SUGCT: variants seen among roughly 807,000 people sequenced by gnomAD.
The protein encoded by SUGCT is succinyl-CoA:glutarate CoA-transferase.
Under a neutral mutation model 55.0 loss-of-function variants are expected in SUGCT, and 41 were observed. That is an observed-to-expected ratio of 0.74 (90% confidence interval 0.58 to 0.97). The LOEUF is 0.97. Among genes scored for constraint, SUGCT ranks in the 50% least tolerant of loss-of-function variants. The pLI, the probability that SUGCT is intolerant of heterozygous loss-of-function variation, is 0.00. For synonymous variants in SUGCT, 187 were observed against 200.4 expected, an observed-to-expected ratio of 0.93 and a Z score of 0.56; for missense variants, 568 against 547.8, an observed-to-expected ratio of 1.04 and a Z score of -0.37.
intron 12 of SUGCT, among the ~76,000 whole-genome samples, chr7:40,620,922 C>G (rs748850108): frequency 1.3e-5 from 2 of 152,130 alleles, no homozygotes; most frequent in Non-Finnish European, 2.9e-5. Flanking sequence ...TGAGTTTTAA[C>G]TTACTTTGGT....
At chr7:40,717,441 G>A (rs571141558) in intron 12 of SUGCT, among the ~76,000 whole-genome samples, 1 of 152,154 alleles carries the variant, frequency 6.6e-6, no homozygotes, top group East Asian at 1.9e-4. Flanking sequence ...TGAACTCCCC[G>A]TGGCCCCACC....
chr7:40,993,601 G>T, the SUGCT span, among the ~76,000 whole-genome samples: 374 of 152,300 alleles, frequency 2.5e-3, no homozygotes, highest in African/African-American at 8.7e-3. Context: ...TCTAGGGAGA[G>T]CAAATTACTC....
chr7:40,601,154 T>A (rs1310616403), intron 12 of SUGCT, among the ~76,000 whole-genome samples: 1 of 152,188 alleles, frequency 6.6e-6, no homozygotes, highest in African/African-American at 2.4e-5. Context: ...AATGGCCAGA[T>A]GTATTAGTAG....
At chr7:40,295,374 G>A (rs1297783344) in intron 8 of SUGCT, among the ~76,000 whole-genome samples, 3 of 152,104 alleles carry the variant, frequency 2.0e-5, no homozygotes, top group African/African-American at 7.2e-5. Flanking sequence ...TCAGGAGTTC[G>A]AGACCAGCCT....
At chr7:40,454,046 T>C (rs976269975) in intron 10 of SUGCT, among the ~76,000 whole-genome samples, 3 of 152,102 alleles carry the variant, frequency 2.0e-5, no homozygotes, top group Admixed American at 2.0e-4. Context: ...TTGAGCTCAA[T>C]AGTGCAATGA....
At chr7:40,521,846 T>G (rs1583888959) in intron 12 of SUGCT, among the ~76,000 whole-genome samples, 1 of 152,122 alleles carries the variant, frequency 6.6e-6, no homozygotes, top group African/African-American at 2.4e-5. Context: ...GCATCTTTGT[T>G]AAGTGGAAAC....
chr7:40,716,841 C>A (rs1423674162), intron 12 of SUGCT, among the ~76,000 whole-genome samples: 1 of 151,790 alleles, frequency 6.6e-6, no homozygotes, highest in African/African-American at 2.4e-5. Context: ...TTGAATGATG[C>A]AACATTATAA....
At chr7:40,451,043 A>C (rs1458518270) in intron 10 of SUGCT, among the ~76,000 whole-genome samples, 1 of 151,902 alleles carries the variant, frequency 6.6e-6, no homozygotes, top group Non-Finnish European at 1.5e-5. Context: ...CGATTCAAAC[A>C]TTTGATCTGG....
At chr7:40,392,329 T>C (rs1446853522) in intron 9 of SUGCT, among the ~76,000 whole-genome samples, 1 of 151,968 alleles carries the variant, frequency 6.6e-6, no homozygotes, top group Non-Finnish European at 1.5e-5. Flanking sequence ...ACAAATTAGA[T>C]ATAGAGATGA....
chr7:40,459,180 T>A lies in SUGCT; in HGVS notation c.968T>A (p.Ile323Asn), dbSNP rs896215983. 3 of 1,601,920 alleles carry A rather than the reference T, an allele frequency of 1.9e-6. No individual in the cohort carries two copies. The highest frequency in any genetic ancestry group is 1.7e-6 in the Non-Finnish European group (2 of 1,170,262). Reference sequence around the variant, plus strand: ...CGGGTACACAATAGAAAAGAGCTTATTAAAATATTATCTGAACGGTAAGTT... The same window carrying A: ...CGGGTACACAATAGAAAAGAGCTTAATAAAATATTATCTGAACGGTAAGTT... The part of the protein sequence containing the change: ...HLRVHNRKEL[I>N]KILSERFEEE... The change falls in exon 11 of 14, where the codon ATT becomes AAT. Residue 323 changes from isoleucine to asparagine, a missense_variant. Coordinates refer to ENST00000335693, the MANE Select transcript of SUGCT (RefSeq NM_001193313.2).
chr7:40,794,009 T>C (rs1403709169), intron 13 of SUGCT, among the ~76,000 whole-genome samples: 2 of 129,322 alleles, frequency 1.5e-5, no homozygotes, highest in Admixed American at 8.4e-5. Context: ...ATGTTATTCT[T>C]ATAGAGTGAT....
At chr7:40,946,106 G>GTT in the SUGCT span, among the ~76,000 whole-genome samples, 51 of 146,342 alleles carry the variant, frequency 3.5e-4, 1 homozygote, top group South Asian at 7.9e-3. Flanking sequence ...TCACATACAA[G>GTT]TTTTTTTTTT....
At chr7:40,613,305 C>T (rs1230085391) in intron 12 of SUGCT, among the ~76,000 whole-genome samples, 1 of 152,110 alleles carries the variant, frequency 6.6e-6, no homozygotes, top group Admixed American at 6.5e-5. Flanking sequence ...CTAAAAGGGG[C>T]ACGAAGTGAA....
chr7:40,827,662 C>A (rs1792384847), intron 13 of SUGCT, among the ~76,000 whole-genome samples: 1 of 152,184 alleles, frequency 6.6e-6, no homozygotes, highest in Non-Finnish European at 1.5e-5. Flanking sequence ...AGCTTCGGGC[C>A]TGATCCTCTC....
At chr7:40,688,612 A>C (rs1434540412) in intron 12 of SUGCT, among the ~76,000 whole-genome samples, 2 of 152,132 alleles carry the variant, frequency 1.3e-5, no homozygotes, top group Non-Finnish European at 1.5e-5. Context: ...TGTTATATTA[A>C]AGACAATATG....
At chr7:40,548,093 C>T (rs1371713284) in intron 12 of SUGCT, among the ~76,000 whole-genome samples, 1 of 151,698 alleles carries the variant, frequency 6.6e-6, no homozygotes, top group East Asian at 1.9e-4. Flanking sequence ...TTAGTGACCT[C>T]AGTTTTATAC....
chr7:40,445,832 A>G (rs920770719), intron 9 of SUGCT, among the ~76,000 whole-genome samples: 1 of 152,196 alleles, frequency 6.6e-6, no homozygotes, highest in African/African-American at 2.4e-5. Context: ...TAATTATTAA[A>G]AAGAACTCCT....
chr7:41,008,194 C>T, the SUGCT span, among the ~76,000 whole-genome samples: 4 of 152,200 alleles, frequency 2.6e-5, no homozygotes, highest in Admixed American at 1.3e-4. Flanking sequence ...GGGAGGGAGG[C>T]GCCCCTGGGC....
At chr7:40,844,227 G>A (rs1793439586) in intron 13 of SUGCT, among the ~76,000 whole-genome samples, 1 of 152,188 alleles carries the variant, frequency 6.6e-6, no homozygotes, top group South Asian at 2.1e-4. Flanking sequence ...ATCTGCAGAT[G>A]GCTAAGTGTA....
Sources: gnomAD v4.1 joint callset for allele counts (sites outside exome capture counted in the v4.1 genomes callset) on GRCh38, gnomAD v4.1.1 for gene constraint, MANE v1.5 for transcripts, NCBI Gene and HGNC (gene_info 2026-07-23, HGNC 2026-07-21) for gene names.